The following ZSWIM6 variants were observed in gnomAD, a reference collection of about 807,000 sequenced individuals.
The protein encoded by ZSWIM6 is zinc finger SWIM-type containing 6, also known as zinc finger SWIM domain-containing protein 6.
ZSWIM6 carries 9 observed loss-of-function variants against 113.2 expected under a neutral mutation model. That is an observed-to-expected ratio of 0.08 (90% CI 0.05 to 0.14). The LOEUF is 0.14. Among genes scored for constraint, ZSWIM6 ranks in the 10% least tolerant of loss-of-function variants. The pLI, the probability that ZSWIM6 is intolerant of heterozygous loss-of-function variation, is 1.00. For missense variants in ZSWIM6, 1,162 were observed against 1,552.2 expected (o/e 0.75, Z 4.22); for synonymous variants, 611 against 606.5 (o/e 1.01, Z -0.11).
chr5:61,447,878 G>C (rs1489384364), intron 1 of ZSWIM6, among the ~76,000 whole-genome samples: 1 of 152,164 alleles, frequency 6.6e-6, no homozygotes, highest in Non-Finnish European at 1.5e-5. Context: ...CTAAAATTAA[G>C]GGTTTATATA....
chr5:61,526,766 G>T (rs770344007), intron 7 of ZSWIM6, among the ~76,000 whole-genome samples: 1 of 152,046 alleles, frequency 6.6e-6, no homozygotes, highest in Non-Finnish European at 1.5e-5. Flanking sequence ...CTTGAATCCC[G>T]GCAATCCTAA....
chr5:61,414,610 T>C (rs548851141), intron 1 of ZSWIM6, among the ~76,000 whole-genome samples: 1 of 152,278 alleles, frequency 6.6e-6, no homozygotes, highest in South Asian at 2.1e-4. Flanking sequence ...TGAATTACTT[T>C]ATGGGAGGAG....
chr5:61,424,879 C>T (rs954421933), intron 1 of ZSWIM6, among the ~76,000 whole-genome samples: 121 of 152,088 alleles, frequency 8.0e-4, no homozygotes, highest in African/African-American at 2.7e-3. Context: ...AGGCGCCCGC[C>T]ACCACGCCCG....
At chr5:61,425,534 T>C (rs1579990085) in intron 1 of ZSWIM6, among the ~76,000 whole-genome samples, 1 of 152,184 alleles carries the variant, frequency 6.6e-6, no homozygotes, top group African/African-American at 2.4e-5. Context: ...GTTCTAGTTA[T>C]AGGGAAACTC....
chr5:61,439,926 C>T (rs1281229152), intron 1 of ZSWIM6, among the ~76,000 whole-genome samples: 1 of 151,962 alleles, frequency 6.6e-6, no homozygotes, highest in Non-Finnish European at 1.5e-5. Context: ...TTGTATGTTG[C>T]TAATATGTAG....
intron 1 of ZSWIM6, among the ~76,000 whole-genome samples, chr5:61,455,439 C>T (rs556701638): frequency 3.9e-4 from 60 of 152,276 alleles, no homozygotes; most frequent in African/African-American, 1.2e-3. Context: ...AGAAAATCTC[C>T]GACTTGTACT....
intron 4 of ZSWIM6, among the ~76,000 whole-genome samples, chr5:61,498,856 C>G (rs1048326547): frequency 1.1e-4 from 16 of 152,282 alleles, no homozygotes; most frequent in African/African-American, 3.8e-4. Flanking sequence ...AAAGGCTCTG[C>G]TTTACTCTGC....
intron 1 of ZSWIM6, chr5:61,391,332 C>G: frequency 1.2e-6 from 1 of 824,038 alleles, no homozygotes; most frequent in Non-Finnish European, 2.2e-6. Context: ...GGATCTCCAT[C>G]AGGTGGGCCT....
At chr5:61,497,647 A>T (rs1333814828) in intron 4 of ZSWIM6, among the ~76,000 whole-genome samples, 1 of 152,176 alleles carries the variant, frequency 6.6e-6, no homozygotes, top group African/African-American at 2.4e-5. Flanking sequence ...TCAGTTTTTC[A>T]AATATTAATT....
At chr5:61,503,021 G>A (rs1359885786) in intron 4 of ZSWIM6, among the ~76,000 whole-genome samples, 1 of 152,090 alleles carries the variant, frequency 6.6e-6, no homozygotes, top group Non-Finnish European at 1.5e-5. Context: ...TATATAAATA[G>A]CTTTTTCCTA....
At chr5:61,518,241 A>G (rs13159182) in intron 4 of ZSWIM6, among the ~76,000 whole-genome samples, 3 of 151,986 alleles carry the variant, frequency 2.0e-5, no homozygotes, top group Non-Finnish European at 4.4e-5. Flanking sequence ...TAATGCCGCA[A>G]TAAACATACG....
chr5:61,526,049 G>A, intron 6 of ZSWIM6, 73 bp downstream of exon 6: 1 of 1,510,048 alleles, frequency 6.6e-7, no homozygotes, highest in Non-Finnish European at 9.0e-7. Context: ...TACTGGAATG[G>A]GAGGTGGAGA....
intron 2 of ZSWIM6, among the ~76,000 whole-genome samples, chr5:61,479,495 G>T (rs1332827717): frequency 6.6e-6 from 1 of 152,054 alleles, no homozygotes; most frequent in East Asian, 1.9e-4. Flanking sequence ...AATTTAAAAA[G>T]ATTGGTGCCA....
intron 1 of ZSWIM6, among the ~76,000 whole-genome samples, chr5:61,417,183 G>C (rs1302689361): frequency 2.0e-5 from 3 of 152,092 alleles, no homozygotes; most frequent in East Asian, 3.9e-4. Context: ...GTTAGCATCT[G>C]CCTGTAGACT....
intron 7 of ZSWIM6, 51 bp from the exon 8 acceptor site, chr5:61,530,001 C>A: frequency 6.9e-7 from 1 of 1,443,430 alleles, no homozygotes; most frequent in Non-Finnish European, 9.3e-7. Flanking sequence ...CACTTCTTTC[C>A]CTTCATCTCC....
chr5:61,339,833 G>T (rs1338954175), intron 1 of ZSWIM6, among the ~76,000 whole-genome samples: 1 of 152,134 alleles, frequency 6.6e-6, no homozygotes, highest in Non-Finnish European at 1.5e-5. Context: ...TAGTTTTTGT[G>T]ATTTATTAAT....
chr5:61,357,025 C>T (rs1203072904), intron 1 of ZSWIM6, among the ~76,000 whole-genome samples: 1 of 151,586 alleles, frequency 6.6e-6, no homozygotes, highest in East Asian at 1.9e-4. Flanking sequence ...GGTTCAATAG[C>T]ATCATCATCA....
At chr5:61,494,041 T>C (rs928775967) in intron 3 of ZSWIM6, among the ~76,000 whole-genome samples, 31 of 151,766 alleles carry the variant, frequency 2.0e-4, no homozygotes, top group African/African-American at 7.5e-4. Flanking sequence ...CTATTTAGGG[T>C]AGGGAGTGGT....
At chr5:61,355,300 T>C (rs1744875618) in intron 1 of ZSWIM6, among the ~76,000 whole-genome samples, 1 of 152,094 alleles carries the variant, frequency 6.6e-6, no homozygotes, top group Non-Finnish European at 1.5e-5. Flanking sequence ...GGGTGTTCCT[T>C]TGGGCTAGAG....
Sources: allele counts gnomAD v4.1 joint callset (sites outside exome capture counted in the v4.1 genomes callset), GRCh38; gene constraint gnomAD v4.1.1; transcripts MANE v1.5; gene names NCBI Gene and HGNC (gene_info 2026-07-23, HGNC 2026-07-21).